CDH18: variants seen among roughly 807,000 people sequenced by gnomAD.
CDH18 encodes the protein cadherin 18.
CDH18 carries 31 observed loss-of-function variants against 67.9 expected under a neutral mutation model. That is an observed-to-expected ratio of 0.46 (90% CI 0.34 to 0.62). The LOEUF (loss-of-function observed/expected upper bound fraction) is 0.62. Among genes scored for constraint, CDH18 ranks in the 20% least tolerant of loss-of-function variants. CDH18 has a pLI of 0.01. For missense variants in CDH18, 890 were observed against 975.5 expected, an observed-to-expected ratio of 0.91 and a Z score of 1.17; for synonymous variants, 362 against 347.2, an observed-to-expected ratio of 1.04 and a Z score of -0.48.
chr5:20,190,362 C>A (rs918522722), intron 2 of CDH18, among the ~76,000 whole-genome samples: 1 of 152,056 alleles, frequency 6.6e-6, no homozygotes, highest in South Asian at 2.1e-4. Context: ...CACCAAACTC[C>A]ATGTAATGAA....
In CDH18 at chr5:20,424,733, C is replaced by T. The variant is rs199590196; in HGVS notation, c.-580+150729G>A. On this transcript the variant is annotated intron_variant, in intron 1 of 14. Transcript: ENST00000507958. ...CTACACTCCAGCCTGGGTAATAGAG[C>T]AAGACTCTGTCTAAAAAAAAAAAAA... Among the ~76,000 whole-genome samples, 8 of 92,624 alleles carry T rather than the reference C, an allele frequency of 8.6e-5. No individual in the cohort carries two copies. The East Asian group carries it at 2.0e-3, about 23-fold the overall frequency. 60.8% of individuals were successfully genotyped at this position (92,624 alleles called of 152,430 possible).
chr5:20,080,518 A>G (rs941156840), intron 2 of CDH18, among the ~76,000 whole-genome samples: 4 of 152,188 alleles, frequency 2.6e-5, no homozygotes, highest in Admixed American at 2.0e-4. Context: ...ATCCCACAAT[A>G]ATCCCACCTA....
chr5:20,519,652 G>T (rs1290230147), intron 1 of CDH18, among the ~76,000 whole-genome samples: 1 of 151,666 alleles, frequency 6.6e-6, no homozygotes, highest in Admixed American at 6.6e-5. Context: ...AAGGAGTCAA[G>T]AAGCATCCAG....
intron 7 of CDH18, among the ~76,000 whole-genome samples, chr5:19,577,251 TCAC>T (rs1742471085): frequency 1.3e-5 from 2 of 152,162 alleles, no homozygotes; most frequent in Admixed American, 6.5e-5. Context: ...TTAAATGTTC[TCAC>T]CACATGTAAA....
chr5:20,145,905 A>G (rs1750608507), intron 2 of CDH18, among the ~76,000 whole-genome samples: 1 of 152,166 alleles, frequency 6.6e-6, no homozygotes, highest in Non-Finnish European at 1.5e-5. Context: ...CCCATTCTCT[A>G]AGGACAAAGT....
At chr5:19,939,321 A>G (rs992383970) in intron 2 of CDH18, among the ~76,000 whole-genome samples, 2 of 151,660 alleles carry the variant, frequency 1.3e-5, no homozygotes, top group Non-Finnish European at 3.0e-5. Context: ...CATAATTTTA[A>G]ATGTGATTCT....
chr5:19,859,619 T>C (rs1298986580), intron 2 of CDH18, among the ~76,000 whole-genome samples: 1 of 152,162 alleles, frequency 6.6e-6, no homozygotes, highest in African/African-American at 2.4e-5. Flanking sequence ...TTTCTTTCTA[T>C]TGATTCCAGG....
chr5:20,453,354 T>G (rs138894650), intron 1 of CDH18, among the ~76,000 whole-genome samples: 86 of 152,300 alleles, frequency 5.6e-4, no homozygotes, highest in Non-Finnish European at 1.0e-3. Flanking sequence ...TTTCTGTTTC[T>G]GTTCTGTGAC....
chr5:20,328,408 A>C (rs1371721814), intron 1 of CDH18, among the ~76,000 whole-genome samples: 1 of 151,330 alleles, frequency 6.6e-6, no homozygotes, highest in South Asian at 2.1e-4. Flanking sequence ...AAAAGAGAGG[A>C]GTCTGGAGTA....
intron 2 of CDH18, among the ~76,000 whole-genome samples, chr5:20,007,378 G>A (rs1736988617): frequency 6.6e-6 from 1 of 151,454 alleles, no homozygotes; most frequent in Non-Finnish European, 1.5e-5. Context: ...GTTGACTTAG[G>A]CATCATTCCA....
At chr5:19,543,739 A>C (rs1236736316) in intron 9 of CDH18, 130 bp downstream of exon 9, 5 of 549,250 alleles carry the variant, frequency 9.1e-6, no homozygotes, top group South Asian at 4.5e-5. Flanking sequence ...ATTATATCTA[A>C]TACACTCCGC....
intron 5 of CDH18, among the ~76,000 whole-genome samples, chr5:19,669,362 G>A (rs1222902119): frequency 1.3e-5 from 2 of 150,496 alleles, no homozygotes; most frequent in African/African-American, 2.4e-5. Context: ...GGGTGATCTC[G>A]GCTCACTACA....
intron 3 of CDH18, among the ~76,000 whole-genome samples, chr5:19,785,504 A>G (rs1020765899): frequency 6.7e-6 from 1 of 150,294 alleles, no homozygotes; most frequent in African/African-American, 2.4e-5. Flanking sequence ...AATACAAAAA[A>G]TTAGCCAGGC....
rs748033765 is a variant in CDH18, at chr5:19,721,392, T to C, written c.598A>G (p.Ser200Gly). Reference protein sequence around the residue: ...TYGNSARVVYSILQGQPYFSV... With the variant: ...TYGNSARVVYGILQGQPYFSV... ...AAGTAGGGTTGTCCTTGGAGAATGC[T>C]GTAAACCACCCGAGCGCTGTTTCCA... is the stretch of plus-strand genomic sequence containing the variant. Residue 200 changes from serine (S) to glycine (G), a missense_variant, in exon 5 of 13, where the codon AGC (serine) becomes GGC (glycine). Around this residue, in one of 2 missense-constraint regions of CDH18, gnomAD observed 234 missense variants for 307.4 expected, o/e 0.76. Transcript: ENST00000382275. The C allele has an allele frequency of 6.2e-7, 1 of 1,610,026 alleles. No individual in the cohort carries two copies. The highest frequency in any genetic ancestry group is 8.5e-7 in the Non-Finnish European group (1 of 1,176,926).
chr5:20,537,804 T>C (rs116749493), intron 1 of CDH18, among the ~76,000 whole-genome samples: 2,022 of 152,272 alleles, frequency 0.013, 13 homozygotes, highest in Admixed American at 0.02. Context: ...GTATAAAATT[T>C]CTATCTTTGG....
intron 12 of CDH18, among the ~76,000 whole-genome samples, chr5:19,474,060 A>C (rs575558747): frequency 6.6e-6 from 1 of 152,262 alleles, no homozygotes; most frequent in East Asian, 1.9e-4. Context: ...AAAAAATAAT[A>C]TGAAATTTTA....
At chr5:20,502,881 T>A (rs1561071108) in intron 1 of CDH18, among the ~76,000 whole-genome samples, 1 of 152,120 alleles carries the variant, frequency 6.6e-6, no homozygotes, top group Non-Finnish European at 1.5e-5. Flanking sequence ...CCTTAAGTGA[T>A]CTTAGAAATG....
intron 2 of CDH18, among the ~76,000 whole-genome samples, chr5:19,945,099 G>A (rs1579729220): frequency 6.6e-6 from 1 of 152,100 alleles, no homozygotes; most frequent in African/African-American, 2.4e-5. Flanking sequence ...GTAAAGCCTG[G>A]TATCTTCAAG....
chr5:19,868,511 G>A (rs144229151), intron 2 of CDH18, among the ~76,000 whole-genome samples: 1 of 152,236 alleles, frequency 6.6e-6, no homozygotes, highest in Non-Finnish European at 1.5e-5. Context: ...CTAGGGCTTT[G>A]TCACCTATGT....
Sources: gnomAD v4.1 joint callset for allele counts (sites outside exome capture counted in the v4.1 genomes callset) on GRCh38, gnomAD v4.1.1 for gene constraint, gnomAD v4.1.1 regional missense constraint, MANE v1.5 for transcripts, NCBI Gene and HGNC (gene_info 2026-07-23, HGNC 2026-07-21) for gene names.